The following APCDD1L variants were observed in gnomAD, a reference collection of about 807,000 sequenced individuals.
APCDD1L encodes the protein protein APCDD1-like.
Under a neutral mutation model 24.2 loss-of-function variants are expected in APCDD1L, and 21 were observed. That is an observed-to-expected ratio of 0.87 (90% CI 0.61 to 1.25). The LOEUF (loss-of-function observed/expected upper bound fraction) is 1.25, where lower values mean the gene tolerates loss of function less well. Among genes scored for constraint, APCDD1L ranks in the 50% most tolerant of loss-of-function variants. The pLI is 0.00. For synonymous variants in APCDD1L, 321 were observed against 323.6 expected (o/e 0.99, Z 0.09); for missense variants, 704 against 711.7 (o/e 0.99, Z 0.12).
At chr20:58,503,276 T>C (rs1990476192) in intron 1 of APCDD1L, among the ~76,000 whole-genome samples, 1 of 152,192 alleles carries the variant, frequency 6.6e-6, no homozygotes, top group Non-Finnish European at 1.5e-5. Flanking sequence ...ATGCTGATCA[T>C]CATAAAAGCC....
In APCDD1L at chr20:58,460,913, G is replaced by T. The variant is rs561347934; in HGVS notation, c.1383C>A (p.Asp461Glu). ...GCCTGTGCTGCGGTGGCCTGGAGAA[G>T]TCGGGGGCCTCCCCATGACAGAGCA... ...PLVLCHGEAP[D>E]FSRPPQHRPS... Residue 461 changes from aspartate (D) to glutamate (E), a missense_variant, in exon 4 of 4, where the codon GAC becomes GAA. Coordinates refer to ENST00000371149, the MANE Select transcript of APCDD1L (RefSeq NM_153360.3). The surrounding 1 kb of genome is among the most constrained non-coding windows in gnomAD (Gnocchi z 4.2). 1 of 1,612,192 alleles carries T rather than the reference G, an allele frequency of 6.2e-7. No homozygotes were observed. The highest frequency in any genetic ancestry group is 1.3e-5 in the African/African-American group (1 of 75,000).
At chr20:58,510,810 G>C (rs1396138500) in intron 1 of APCDD1L, among the ~76,000 whole-genome samples, 3 of 152,204 alleles carry the variant, frequency 2.0e-5, no homozygotes, top group African/African-American at 7.2e-5. Context: ...TAAACCCAAA[G>C]AATTATGAAT....
chr20:58,479,755 C>G (rs1225896298), intron 1 of APCDD1L, among the ~76,000 whole-genome samples: 1 of 152,118 alleles, frequency 6.6e-6, no homozygotes, highest in East Asian at 1.9e-4. Flanking sequence ...AATAACCTCT[C>G]TTGATTAGAG....
In APCDD1L at chr20:58,494,860, G is replaced by A. The variant is rs1389623726; in HGVS notation, c.49+19799C>T. Among the ~76,000 whole-genome samples, 3 of 152,064 alleles carry A rather than the reference G, an allele frequency of 2.0e-5. No homozygotes were observed. The East Asian group carries it at 5.8e-4, about 29-fold the overall frequency. ...CACACCCCACTTGTACCCACCCTGG[G>A]GCCTGTGCACTTGCCGGTCTGTCTG... On this transcript the variant is annotated intron_variant, in intron 1 of 3. Coordinates refer to ENST00000371149, the MANE Select transcript of APCDD1L (RefSeq NM_153360.3). This position sits in a 1 kb window ranked among gnomAD's most constrained non-coding sequence, Gnocchi z 4.8.
chr20:58,464,136 G>A (rs962835024), intron 3 of APCDD1L, among the ~76,000 whole-genome samples: 29 of 152,030 alleles, frequency 1.9e-4, no homozygotes, highest in Admixed American at 1.3e-4. Flanking sequence ...GATAAGAGTC[G>A]ACTCTAATTT....
chr20:58,460,767 C>T lies in APCDD1L; in HGVS notation c.*23G>A, dbSNP rs1989579844. On this transcript the variant is annotated 3_prime_UTR_variant, in exon 4 of 4. Coordinates refer to ENST00000371149, the MANE Select transcript of APCDD1L (RefSeq NM_153360.3). This position sits in a 1 kb window ranked among gnomAD's most constrained non-coding sequence, Gnocchi z 4.2. ...AGGGTTGAATGGGTGTCCAGAGCCG[C>T]CATCCTGATGTCAAGTCCAATGTCA... 6.6e-7 allele frequency: 1 copy of T among 1,510,884 alleles called. No homozygotes were observed. The highest frequency in any genetic ancestry group is 1.4e-5 in the African/African-American group (1 of 71,544). The allele number at this position is 1,510,884 out of a possible 1,614,324, so 93.6% of individuals were successfully genotyped here.
At chr20:58,491,623 A>T (rs564499796) in intron 1 of APCDD1L, among the ~76,000 whole-genome samples, 1 of 152,228 alleles carries the variant, frequency 6.6e-6, no homozygotes, top group Admixed American at 6.5e-5. Flanking sequence ...ATATTCAAGG[A>T]TAGACAATAT....
intron 1 of APCDD1L, among the ~76,000 whole-genome samples, chr20:58,485,274 A>C (rs1258574007): frequency 6.6e-6 from 1 of 152,230 alleles, no homozygotes; most frequent in African/African-American, 2.4e-5. Flanking sequence ...AATATGCATT[A>C]ATATGTCAAT....
chr20:58,467,635 T>G lies in APCDD1L; in HGVS notation c.212A>C (p.Glu71Ala). The G allele has an allele frequency of 6.6e-7, 1 of 1,512,792 alleles. No homozygotes were observed. Among genetic ancestry groups the G allele is most frequent in the African/African-American group, 1.4e-5 (1 of 70,196 alleles). The allele number at this position is 1,512,792 out of a possible 1,614,324, so 93.7% of individuals were successfully genotyped here. A position where few individuals can be genotyped will look rare whatever the true frequency, so the allele number is the denominator to read the frequency against. Residue 71 changes from glutamate to alanine, a missense_variant, in exon 3 of 4, where the codon GAG becomes GCG. By Grantham distance (107) the Glu-to-Ala change is moderately radical. Coordinates refer to ENST00000371149, the MANE Select transcript of APCDD1L (RefSeq NM_153360.3). The surrounding 1 kb of genome is among the most constrained non-coding windows in gnomAD (Gnocchi z 5.9). The stretch of plus-strand genomic sequence containing the variant: ...GAAGGTGTAGGCGCGGGTCAGGAAC[T>G]CCGGTCCTGGGCGCACCTCGCAGCT... ...STGCEVRPGP[E>A]FLTRAYTFYP...
chr20:58,483,104 G>A (rs1990054302), intron 1 of APCDD1L, among the ~76,000 whole-genome samples: 1 of 152,232 alleles, frequency 6.6e-6, no homozygotes, highest in South Asian at 2.1e-4. Context: ...ACAAGAAGCT[G>A]CTTGACAGAT....
intron 1 of APCDD1L, among the ~76,000 whole-genome samples, chr20:58,473,035 T>A (rs1989842120): frequency 6.6e-6 from 1 of 152,102 alleles, no homozygotes. Flanking sequence ...ACGAAACCTG[T>A]CCAAAAGTGT....
chr20:58,503,909 C>T (rs772908437), intron 1 of APCDD1L, among the ~76,000 whole-genome samples: 33 of 152,142 alleles, frequency 2.2e-4, no homozygotes, highest in African/African-American at 2.7e-4. Flanking sequence ...CAGGACACTC[C>T]GTGGGCAGAA....
chr20:58,488,015 T>C (rs1485617212), intron 1 of APCDD1L, among the ~76,000 whole-genome samples: 2 of 152,168 alleles, frequency 1.3e-5, no homozygotes, highest in Non-Finnish European at 2.9e-5. Flanking sequence ...GCATAGTGTA[T>C]ACAGTGGTCC....
rs1990264711 is a variant in APCDD1L, at chr20:58,493,598, A to T, written c.49+21061T>A. 2.0e-5 allele frequency among the ~76,000 whole-genome samples: 3 copies of T among 152,360 alleles called. No individual in the cohort carries two copies. The South Asian group carries it at 6.2e-4, about 32-fold the overall frequency. On this transcript the variant is annotated intron_variant, in intron 1 of 3. Coordinates refer to ENST00000371149, the MANE Select transcript of APCDD1L (RefSeq NM_153360.3). ...ATAATATCGAGTGCCAAAAGCAAACACAGAAGAATACATACAGGGAGCTAT... is the reference window on the plus strand; with the variant it reads ...ATAATATCGAGTGCCAAAAGCAAACTCAGAAGAATACATACAGGGAGCTAT...
chr20:58,486,477 C>A (rs1451999602), intron 1 of APCDD1L, among the ~76,000 whole-genome samples: 1 of 152,024 alleles, frequency 6.6e-6, no homozygotes, highest in Non-Finnish European at 1.5e-5. Flanking sequence ...TAGGAGCTAT[C>A]ATGAGAAAGT....
Position 58,467,056 on chromosome 20 carries a change from C to T in APCDD1L, c.741+50G>A, listed in dbSNP as rs750043356. ...CTGCGGGGCTGGGTTCCGAGCTCGC[C>T]TCCCCGAGACCACCACCCCCCTCTC... On this transcript the variant is annotated intron_variant, in intron 3 of 3. Transcript: ENST00000371149. The surrounding 1 kb of genome is among the most constrained non-coding windows in gnomAD (Gnocchi z 5.9). 3.2e-6 allele frequency: 5 copies of T among 1,539,140 alleles called. No homozygotes were observed. In the South Asian group the frequency reaches 6.0e-5, roughly 18 times the overall value.
At chr20:58,492,997 C>T (rs2123172270) in intron 1 of APCDD1L, among the ~76,000 whole-genome samples, 1 of 152,122 alleles carries the variant, frequency 6.6e-6, no homozygotes, top group Admixed American at 6.5e-5. Context: ...TGCAAGCATG[C>T]ACACATGCAT....
At chr20:58,495,372 C>T (rs1248624291) in intron 1 of APCDD1L, among the ~76,000 whole-genome samples, 1 of 152,170 alleles carries the variant, frequency 6.6e-6, no homozygotes, top group Non-Finnish European at 1.5e-5. Flanking sequence ...GATGGTGTGC[C>T]CAGGAAGCCG....
chr20:58,461,296 C>T lies in APCDD1L; in HGVS notation c.1000G>A (p.Gly334Ser), dbSNP rs752877731. 43 of 1,610,840 alleles carry T rather than the reference C, an allele frequency of 2.7e-5. No homozygotes were observed. The highest frequency in any genetic ancestry group is 3.3e-5 in the South Asian group (3 of 90,860). ...GATGGCGTGCCCCTGGTGTAGCGGCCGGCGGCATACACGGTGAAGGTGGGC... is the reference window on the plus strand; with the variant it reads ...GATGGCGTGCCCCTGGTGTAGCGGCTGGCGGCATACACGGTGAAGGTGGGC... Reference protein sequence around the residue: ...RQPTFTVYAAGRYTRGTPSTR... With the variant: ...RQPTFTVYAASRYTRGTPSTR... Residue 334 changes from glycine to serine, a missense_variant, in exon 4 of 4, where the codon GGC (glycine) becomes AGC (serine). Transcript: ENST00000371149. This position sits in a 1 kb window ranked among gnomAD's most constrained non-coding sequence, Gnocchi z 6.0.
Sources: allele counts gnomAD v4.1 joint callset (sites outside exome capture counted in the v4.1 genomes callset), GRCh38; gene constraint gnomAD v4.1.1; non-coding constraint Gnocchi (gnomAD v3.1); transcripts MANE v1.5; gene names NCBI Gene and HGNC (gene_info 2026-07-23, HGNC 2026-07-21).